FAF2: variants seen among roughly 807,000 people sequenced by gnomAD.
FAF2 encodes the protein Fas associated factor family member 2.
A neutral mutation model predicts 62.3 loss-of-function variants in FAF2; 9 were observed. That is an observed-to-expected ratio of 0.14 (90% CI 0.09 to 0.25). The LOEUF (loss-of-function observed/expected upper bound fraction) is 0.25. FAF2 is among the 10% of genes least tolerant of loss of function. FAF2 has a pLI of 1.00. For missense variants in FAF2, 368 were observed against 556.2 expected (o/e 0.66, Z 3.40); for synonymous variants, 202 against 198.0 (o/e 1.02, Z -0.17).
rs370532581 is a variant in FAF2, at chr5:176,474,759, A to G, written c.64-4429A>G. ...TTCCTTGAGCACCCAATCTAAAGGA[A>G]TCTTCTAGAACAAAATGAAAATTTT... On this transcript the variant is annotated intron_variant, in intron 1 of 10. Coordinates refer to ENST00000261942, the MANE Select transcript of FAF2 (RefSeq NM_014613.3). 3.7e-4 allele frequency among the ~76,000 whole-genome samples: 56 copies of G among 152,344 alleles called. No individual in the cohort carries two copies. The East Asian group carries it at 7.5e-3, about 20-fold the overall frequency.
chr5:176,457,955 AT>A (rs1421988048), intron 1 of FAF2, among the ~76,000 whole-genome samples: 1 of 152,232 alleles, frequency 6.6e-6, no homozygotes, highest in African/African-American at 2.4e-5. Flanking sequence ...GCCTCAGTTT[AT>A]ACTTCATTTC....
At chr5:176,502,631 T>C (rs1755614354) in intron 10 of FAF2, among the ~76,000 whole-genome samples, 1 of 152,108 alleles carries the variant, frequency 6.6e-6, no homozygotes, top group Non-Finnish European at 1.5e-5. Context: ...CTGAGAGTTT[T>C]GGAGGAAAAA....
Position 176,480,267 on chromosome 5 carries a change from G to A in FAF2, c.132+1011G>A, listed in dbSNP as rs186986891. On this transcript the variant is annotated intron_variant, in intron 2 of 10. Coordinates refer to ENST00000261942, the MANE Select transcript of FAF2 (RefSeq NM_014613.3). ...TTATATGCTATTTTAAAAGGGTGCT[G>A]GATTCCTAAAAACGTGTTCCCTTTT... 1.6e-3 allele frequency among the ~76,000 whole-genome samples: 247 copies of A among 150,962 alleles called. 1 individual carries two copies. The highest frequency in any genetic ancestry group is 5.7e-3 in the African/African-American group (235 of 41,164).
intron 1 of FAF2, among the ~76,000 whole-genome samples, chr5:176,466,328 G>A (rs778045399): frequency 5.9e-5 from 9 of 152,148 alleles, no homozygotes; most frequent in Non-Finnish European, 1.2e-4. Context: ...AAGATTCCTA[G>A]TTTTTGCCAA....
At chr5:176,505,373 G>T (rs914475892) in intron 10 of FAF2, among the ~76,000 whole-genome samples, 16 of 152,200 alleles carry the variant, frequency 1.1e-4, no homozygotes, top group African/African-American at 3.6e-4. Flanking sequence ...TCTCACTAAG[G>T]ATTTTAACTG....
chr5:176,496,471 G>A lies in FAF2; in HGVS notation c.662-15G>A. The stretch of plus-strand genomic sequence containing the variant: ...CGTCAAGTCCTGCCCTTGATCTGTT[G>A]GGTCTTTTTATCAGTCTCACAGGCT... On this transcript the variant is annotated splice_polypyrimidine_tract_variant and intron_variant, in intron 7 of 10. Transcript: ENST00000261942. 1 of 1,553,554 alleles carries A rather than the reference G, an allele frequency of 6.4e-7. No individual in the cohort carries two copies. Among genetic ancestry groups the A allele is most frequent in the Non-Finnish European group, 8.7e-7 (1 of 1,151,834 alleles).
chr5:176,473,346 G>A (rs779162335), intron 1 of FAF2, among the ~76,000 whole-genome samples: 1 of 152,296 alleles, frequency 6.6e-6, no homozygotes, highest in Admixed American at 6.5e-5. Context: ...CATAATTGGG[G>A]CTGGGATTAT....
chr5:176,493,423 G>A (rs1479670290), intron 5 of FAF2, among the ~76,000 whole-genome samples: 1 of 152,232 alleles, frequency 6.6e-6, no homozygotes, highest in Admixed American at 6.5e-5. Flanking sequence ...AGTGTAATGT[G>A]CTCAGGAGCA....
At chr5:176,490,893 GAA>G (rs1320293392) in intron 4 of FAF2, among the ~76,000 whole-genome samples, 1 of 151,996 alleles carries the variant, frequency 6.6e-6, no homozygotes, top group Non-Finnish European at 1.5e-5. Context: ...TAATTTCAAA[GAA>G]AGTAGTTAAA....
chr5:176,467,110 A>G (rs531304971), intron 1 of FAF2, among the ~76,000 whole-genome samples: 1 of 148,668 alleles, frequency 6.7e-6, no homozygotes, highest in Non-Finnish European at 1.5e-5. Context: ...GGGCCTGCCC[A>G]ATGGCTGTTT....
At chr5:176,470,982 C>A (rs1758558251) in intron 1 of FAF2, among the ~76,000 whole-genome samples, 1 of 152,168 alleles carries the variant, frequency 6.6e-6, no homozygotes, top group Non-Finnish European at 1.5e-5. Context: ...ATAAAAATTT[C>A]TCACAAAGGC....
At chr5:176,486,700 AT>A (rs1356922268) in intron 3 of FAF2, among the ~76,000 whole-genome samples, 1 of 151,628 alleles carries the variant, frequency 6.6e-6, no homozygotes, top group African/African-American at 2.4e-5. Flanking sequence ...TTTGCCAGTT[AT>A]TTGGAGAGTG....
intron 2 of FAF2, among the ~76,000 whole-genome samples, chr5:176,485,174 T>C (rs778875755): frequency 1.3e-5 from 2 of 152,170 alleles, no homozygotes; most frequent in Non-Finnish European, 1.5e-5. Context: ...AGGAATCTAC[T>C]AGAGGTCTTG....
At chr5:176,476,666 T>C (rs1214315273) in intron 1 of FAF2, among the ~76,000 whole-genome samples, 1 of 131,336 alleles carries the variant, frequency 7.6e-6, no homozygotes, top group Non-Finnish European at 1.6e-5. Context: ...GGAGTCTCGC[T>C]CTGTCACCTA....
At chr5:176,451,358 G>A (rs534041502) in intron 1 of FAF2, among the ~76,000 whole-genome samples, 18 of 152,104 alleles carry the variant, frequency 1.2e-4, no homozygotes, top group South Asian at 4.2e-4. Flanking sequence ...GCAACAGAGC[G>A]GGACTCTGTC....
At chr5:176,495,854 C>G (rs2113743756) in intron 7 of FAF2, among the ~76,000 whole-genome samples, 1 of 151,962 alleles carries the variant, frequency 6.6e-6, no homozygotes, top group Admixed American at 6.6e-5. Flanking sequence ...AAAAACTAAC[C>G]TTTTTAAGGG....
rs573472679 is a variant in FAF2 at position 176,458,479 on chromosome 5, G to A, written c.63+10009G>A. Among the ~76,000 whole-genome samples the A allele has an allele frequency of 1.6e-4, 21 of 130,548 alleles. No individual in the cohort carries two copies. In the South Asian group the frequency reaches 3.9e-3, roughly 24 times the overall value. 85.6% of individuals were successfully genotyped at this position (130,548 alleles called of 152,430 possible). A position where few individuals can be genotyped will look rare whatever the true frequency, so the allele number is the denominator to read the frequency against. On this transcript the variant is annotated intron_variant, in intron 1 of 10. Transcript: ENST00000261942. Reference sequence around the variant, plus strand: ...CGCTGGAGTGCGGTGGCTCGATCTCGGCTCACTGCAACCTCCCAAGTTCAA... The same window carrying A: ...CGCTGGAGTGCGGTGGCTCGATCTCAGCTCACTGCAACCTCCCAAGTTCAA...
chr5:176,486,212 C>A, intron 2 of FAF2, 143 bp from the exon 3 acceptor site: 1 of 920,838 alleles, frequency 1.1e-6, no homozygotes, highest in Non-Finnish European at 1.6e-6. Flanking sequence ...GGTTAACAGG[C>A]CCATGAAGGT....
At position 176,486,502 on chromosome 5, in the gene FAF2, A is replaced by G. The variant is rs1175171776; in HGVS notation, c.267+13A>G. The G allele has an allele frequency of 1.9e-6, 3 of 1,613,410 alleles. No homozygotes were observed. The highest frequency in any genetic ancestry group is 2.2e-5 in the East Asian group (1 of 44,886). ...ACCTCAACCAAGGGCAAGTTATTTC[A>G]TAGCTGGGATTTCCCCCTTTTTTAT... On this transcript the variant is annotated intron_variant, in intron 3 of 10. Coordinates refer to ENST00000261942, the MANE Select transcript of FAF2 (RefSeq NM_014613.3).
Sources: allele counts gnomAD v4.1 joint callset (sites outside exome capture counted in the v4.1 genomes callset), GRCh38; gene constraint gnomAD v4.1.1; transcripts MANE v1.5; gene names NCBI Gene and HGNC (gene_info 2026-07-23, HGNC 2026-07-21).